DOCK11: variants seen among roughly 807,000 people sequenced by gnomAD.
DOCK11 encodes the protein dedicator of cytokinesis 11, also known as dedicator of cytokinesis protein 11.
In DOCK11, 70 loss-of-function variants were observed where a neutral mutation model predicts 169.1. The observed-to-expected ratio is 0.41, with a 90% CI of 0.34 to 0.51. DOCK11 has a LOEUF of 0.51. Ranked by LOEUF, DOCK11 falls within the 20% of genes least tolerant of loss-of-function variation. The probability of loss-of-function intolerance (pLI) is 0.10; values close to 1 mark genes in which losing one functional copy is unlikely to be tolerated. For missense variants in DOCK11, 1,166 were observed against 1,538.8 expected (o/e 0.76, Z 4.05); for synonymous variants, 529 against 541.3 (o/e 0.98, Z 0.32).
chrX:118,638,742 G>A (rs772033527), intron 37 of DOCK11, among the ~76,000 whole-genome samples: 1 of 111,541 alleles, frequency 9.0e-6, no homozygotes, highest in South Asian at 3.8e-4. Flanking sequence ...TCTCTGGAAC[G>A]TCCTAAGGAT....
chrX:118,647,637 ATATAT>A (rs1443511324), intron 40 of DOCK11, among the ~76,000 whole-genome samples: 6 of 61,308 alleles, frequency 9.8e-5, no homozygotes, highest in South Asian at 7.4e-4. Flanking sequence ...TTATATGTTA[ATATAT>A]TATATGTTTA....
At chrX:118,638,277 A>G in intron 37 of DOCK11, 150 bp downstream of exon 37, 1 of 518,464 alleles carries the variant, frequency 1.9e-6, no homozygotes, top group East Asian at 3.8e-5. Context: ...GAAAGTTTAA[A>G]CGAATGGGAA....
intron 23 of DOCK11, among the ~76,000 whole-genome samples, chrX:118,600,279 C>T (rs1194372002): frequency 2.7e-5 from 3 of 110,397 alleles, no homozygotes; most frequent in Non-Finnish European, 5.7e-5. Context: ...TGGTGGCATA[C>T]GCCTGTAATC....
At chrX:118,505,474 A>AGT (rs1214952921) in intron 1 of DOCK11, among the ~76,000 whole-genome samples, 1 of 112,479 alleles carries the variant, frequency 8.9e-6, no homozygotes, top group African/African-American at 3.2e-5. Flanking sequence ...ATGTGTTACA[A>AGT]GTCAGCAGAC....
At chrX:118,620,057 C>T (rs1467203626) in intron 31 of DOCK11, among the ~76,000 whole-genome samples, 1 of 110,659 alleles carries the variant, frequency 9.0e-6, no homozygotes, top group Non-Finnish European at 1.9e-5. Context: ...ACCTCATGAT[C>T]CGCCCCCCTC....
intron 51 of DOCK11, among the ~76,000 whole-genome samples, chrX:118,682,780 A>G (rs1255163988): frequency 4.5e-5 from 5 of 112,097 alleles, no homozygotes; most frequent in Non-Finnish European, 9.4e-5. Flanking sequence ...TAATGTCAGC[A>G]CAACTTTAGC....
chrX:118,495,921 C>T lies in DOCK11; in HGVS notation c.-51C>T, dbSNP rs751438692. On this transcript the variant is annotated 5_prime_UTR_variant, in exon 1 of 53. Coordinates refer to ENST00000276202, the MANE Select transcript of DOCK11 (RefSeq NM_144658.4). ...GCCGCGGGCCGGGGCAGTGAGTCCA[C>T]CCGCCCGCCGAGGTCCGCCCGCCCG... 5 of 898,927 alleles carry T rather than the reference C, an allele frequency of 5.6e-6. No homozygotes were observed. In the South Asian group the frequency reaches 1.4e-4, roughly 25 times the overall value. 74.1% of individuals were successfully genotyped at this position (898,927 alleles called of 1,213,427 possible). A position where few individuals can be genotyped will look rare whatever the true frequency, so the allele number is the denominator to read the frequency against.
intron 44 of DOCK11, among the ~76,000 whole-genome samples, chrX:118,660,702 C>A (rs1281758496): frequency 9.1e-6 from 1 of 109,745 alleles, no homozygotes; most frequent in Non-Finnish European, 1.9e-5. Flanking sequence ...AATCTCCTGA[C>A]CTCGTGATCT....
chrX:118,647,954 A>AATATAAAATATATTATT (rs2015793481), intron 40 of DOCK11, among the ~76,000 whole-genome samples: 1 of 47,025 alleles, frequency 2.1e-5, no homozygotes, highest in African/African-American at 8.7e-5. Context: ...AATATATAAT[A>AATATAAAATATATTATT]ATATATAATA....
chrX:118,683,290 G>T, intron 52 of DOCK11, 73 bp downstream of exon 52: 6 of 1,054,398 alleles, frequency 5.7e-6, no homozygotes, highest in Middle Eastern at 2.6e-4. Context: ...AAAATATAAT[G>T]GTTCAAAATG....
chrX:118,584,993 T>C, intron 15 of DOCK11, 48 bp from the exon 16 acceptor site: 3 of 1,160,056 alleles, frequency 2.6e-6, no homozygotes, highest in Non-Finnish European at 3.5e-6. Context: ...AACCAGTGCA[T>C]TCAGTAATCA....
intron 31 of DOCK11, among the ~76,000 whole-genome samples, chrX:118,619,828 T>C (rs776611734): frequency 9.3e-6 from 1 of 107,891 alleles, no homozygotes; most frequent in African/African-American, 3.4e-5. Flanking sequence ...CTTTCTTTTT[T>C]TTTTTTTGAG....
At chrX:118,527,188 A>G (rs1035849112) in intron 1 of DOCK11, among the ~76,000 whole-genome samples, 1 of 112,490 alleles carries the variant, frequency 8.9e-6, no homozygotes, top group African/African-American at 3.2e-5. Flanking sequence ...AAGGAAAACT[A>G]CCATTTAAAC....
intron 6 of DOCK11, among the ~76,000 whole-genome samples, chrX:118,551,496 C>T (rs1474222102): frequency 1.8e-5 from 2 of 111,277 alleles, no homozygotes; most frequent in Admixed American, 1.9e-4. Context: ...TTTGGGAGTT[C>T]GAAACTAGCC....
chrX:118,506,113 A>T (rs2057609773), intron 1 of DOCK11, among the ~76,000 whole-genome samples: 1 of 111,102 alleles, frequency 9.0e-6, no homozygotes, highest in Non-Finnish European at 1.9e-5. Flanking sequence ...AAAATGAGCC[A>T]GGCGTGGTGG....
At chrX:118,667,548 C>A in intron 45 of DOCK11, among the ~76,000 whole-genome samples, 1 of 109,768 alleles carries the variant, frequency 9.1e-6, no homozygotes, top group East Asian at 2.8e-4. Flanking sequence ...TTTCTGGATT[C>A]TCGGTTCTCT....
At chrX:118,607,013 C>G (rs1243083976) in intron 24 of DOCK11, among the ~76,000 whole-genome samples, 1 of 108,850 alleles carries the variant, frequency 9.2e-6, no homozygotes, top group East Asian at 2.9e-4. Context: ...TTCATTGCGT[C>G]TTTATTCCTT....
rs191333604 is a variant in DOCK11 at position 118,663,886 on chromosome X, G to A, written c.5076+1094G>A. 1.4e-3 allele frequency among the ~76,000 whole-genome samples: 155 copies of A among 109,245 alleles called. 1 individual carries two copies. Among genetic ancestry groups the A allele is most frequent in the Admixed American group, 0.012 (121 of 10,129 alleles). 94.9% of individuals were successfully genotyped at this position (109,245 alleles called of 115,157 possible). On this transcript the variant is annotated intron_variant, in intron 45 of 52. Transcript: ENST00000276202. ...GACAGGGTTTCACCATGTTGGCCAG[G>A]ATGGTCTCGATCTCTTGACCTCATG... is the stretch of plus-strand genomic sequence containing the variant.
At chrX:118,588,055 C>T (rs2013869684) in intron 16 of DOCK11, 82 bp from the exon 17 acceptor site, 1 of 838,420 alleles carries the variant, frequency 1.2e-6, no homozygotes, top group Non-Finnish European at 1.6e-6. Context: ...GAATGCAATT[C>T]ATGTATATTT....
Sources: allele counts gnomAD v4.1 joint callset (sites outside exome capture counted in the v4.1 genomes callset), GRCh38; gene constraint gnomAD v4.1.1; transcripts MANE v1.5; gene names NCBI Gene and HGNC (gene_info 2026-07-23, HGNC 2026-07-21).